The following PTPRN2 variants were observed in gnomAD, a reference collection of about 807,000 sequenced individuals.
PTPRN2 encodes the protein receptor-type tyrosine-protein phosphatase N2.
PTPRN2 carries 74 observed loss-of-function variants against 118.8 expected under a neutral mutation model. That is an observed-to-expected ratio of 0.62 (90% CI 0.52 to 0.76). The LOEUF (loss-of-function observed/expected upper bound fraction) is 0.76, where lower values mean the gene tolerates loss of function less well. Among genes scored for constraint, PTPRN2 ranks in the 30% least tolerant of loss-of-function variants. PTPRN2 has a pLI of 0.00. For synonymous variants in PTPRN2, 641 were observed against 608.0 expected, an observed-to-expected ratio of 1.05 and a Z score of -0.80; for missense variants, 1,481 against 1,394.4, an observed-to-expected ratio of 1.06 and a Z score of -0.99.
chr7:157,839,055 C>T (rs1257226104), intron 12 of PTPRN2, among the ~76,000 whole-genome samples: 2 of 152,118 alleles, frequency 1.3e-5, no homozygotes, highest in Non-Finnish European at 2.9e-5. Flanking sequence ...TCCTCTCCGC[C>T]GTGGCTACTC....
intron 8 of PTPRN2, 78 bp from the exon 9 acceptor site, chr7:158,134,137 G>T: frequency 6.7e-7 from 1 of 1,492,276 alleles, no homozygotes; most frequent in Non-Finnish European, 9.1e-7. Flanking sequence ...GGCTGCCCGG[G>T]ACAGAGTCAC....
At chr7:158,220,901 A>G (rs937915732) in intron 3 of PTPRN2, among the ~76,000 whole-genome samples, 2 of 152,016 alleles carry the variant, frequency 1.3e-5, no homozygotes, top group African/African-American at 4.8e-5. Flanking sequence ...AAAAGGCTGA[A>G]TAGCCAAAGC....
intron 3 of PTPRN2, 59 bp from the exon 4 acceptor site, chr7:158,205,332 G>T: frequency 2.3e-6 from 3 of 1,282,100 alleles, no homozygotes; most frequent in Admixed American, 1.8e-5. Flanking sequence ...CAAAGCTCTT[G>T]CTTCAGTCTC....
In PTPRN2 at chr7:158,587,719, C is replaced by CGGGAGGCGGCCGAGTCCGGGCCCA. The variant is rs1829067275; in HGVS notation, c.-74_-51dup. ...CAGTCCATGGCCGCGCGGGAGGCGGCGGGAGGCGGCCGAGTCCGGGCCCAG... is the reference window on the plus strand; with the variant it reads ...CAGTCCATGGCCGCGCGGGAGGCGGCGGGAGGCGGCCGAGTCCGGGCCCAGGGAGGCGGCCGAGTCCGGGCCCAG... On this transcript the variant is annotated 5_prime_UTR_variant, in exon 1 of 23. Transcript: ENST00000389418. 2 of 1,147,668 alleles carry CGGGAGGCGGCCGAGTCCGGGCCCA rather than the reference C, an allele frequency of 1.7e-6. No individual in the cohort carries two copies. The highest frequency in any genetic ancestry group is 3.3e-5 in the African/African-American group (2 of 61,038). 71.1% of individuals were successfully genotyped at this position (1,147,668 alleles called of 1,614,324 possible).
intron 11 of PTPRN2, among the ~76,000 whole-genome samples, chr7:157,938,608 G>A (rs185903123): frequency 9.9e-5 from 15 of 152,270 alleles, no homozygotes; most frequent in Admixed American, 5.9e-4. Flanking sequence ...TTGCACTGAA[G>A]ACCTCAATTT....
rs1382335228 is a variant in PTPRN2, at chr7:158,098,949, ACTT to A, written c.1643+11877_1643+11879del. 6.8e-4 allele frequency among the ~76,000 whole-genome samples: 103 copies of A among 150,824 alleles called. 1 individual carries two copies. The highest frequency in any genetic ancestry group is 1.3e-3 in the South Asian group (6 of 4,768). ...CCGGGCTTCTCAGCCTTGAAGACCC[ACTT>A]CTTCTCTGGCCTCATTCCTGGGTTC... On this transcript the variant is annotated intron_variant, in intron 10 of 22. Coordinates refer to ENST00000389418, the MANE Select transcript of PTPRN2 (RefSeq NM_002847.5).
chr7:158,035,153 T>C (rs776947861), intron 11 of PTPRN2, among the ~76,000 whole-genome samples: 1 of 152,230 alleles, frequency 6.6e-6, no homozygotes, highest in Non-Finnish European at 1.5e-5. Context: ...ATCGTCACGA[T>C]AGTGTGTTTA....
At chr7:158,046,176 A>T (rs2128893099) in intron 11 of PTPRN2, among the ~76,000 whole-genome samples, 1 of 145,006 alleles carries the variant, frequency 6.9e-6, no homozygotes, top group African/African-American at 2.6e-5. Flanking sequence ...TCTGTCCAGG[A>T]GCAGAACCTA....
intron 11 of PTPRN2, among the ~76,000 whole-genome samples, chr7:157,956,247 G>A (rs545237907): frequency 4.6e-4 from 70 of 152,274 alleles, no homozygotes; most frequent in East Asian, 3.9e-3. Context: ...GCTCCCTGAC[G>A]TGTTGGAGAC....
At chr7:158,402,353 G>A (rs1267704126) in intron 2 of PTPRN2, among the ~76,000 whole-genome samples, 4 of 152,040 alleles carry the variant, frequency 2.6e-5, no homozygotes, top group African/African-American at 4.8e-5. Context: ...ATTCCAGCTC[G>A]CAAATGAGCA....
intron 12 of PTPRN2, among the ~76,000 whole-genome samples, chr7:157,867,585 G>A (rs1253879752): frequency 6.6e-6 from 1 of 150,536 alleles, no homozygotes; most frequent in Non-Finnish European, 1.5e-5. Context: ...TGGATACACG[G>A]CCACCACCCT....
intron 5 of PTPRN2, among the ~76,000 whole-genome samples, chr7:158,174,714 A>G (rs1252597742): frequency 6.6e-6 from 1 of 152,230 alleles, no homozygotes; most frequent in Non-Finnish European, 1.5e-5. Flanking sequence ...AAAGAATGCT[A>G]TTAGAAAGGG....
intron 12 of PTPRN2, among the ~76,000 whole-genome samples, chr7:157,841,473 C>A (rs1003622532): frequency 6.6e-6 from 1 of 152,216 alleles, no homozygotes; most frequent in African/African-American, 2.4e-5. Flanking sequence ...CCCACCCCAC[C>A]CGCAGGTGAT....
intron 2 of PTPRN2, among the ~76,000 whole-genome samples, chr7:158,445,923 C>T (rs953078391): frequency 3.9e-5 from 6 of 152,320 alleles, no homozygotes; most frequent in East Asian, 3.9e-4. Context: ...TAAACCCCGG[C>T]GCCCAGGTGA....
In PTPRN2 at chr7:158,440,816, TA is replaced by T. The variant is rs1165183005; in HGVS notation, c.163+48918del. ...GGGGTGGTAGTGGTGATGGTGGTAG[TA>T]GTAGTGGTGGTGGTGGTGATGGCAG... is the stretch of plus-strand genomic sequence containing the variant. On this transcript the variant is annotated intron_variant, in intron 2 of 22. Coordinates refer to ENST00000389418, the MANE Select transcript of PTPRN2 (RefSeq NM_002847.5). 8.8e-3 allele frequency among the ~76,000 whole-genome samples: 472 copies of T among 53,764 alleles called. 9 individuals carry two copies. The highest frequency in any genetic ancestry group is 9.6e-3 in the Middle Eastern group (1 of 104). 35.3% of individuals were successfully genotyped at this position (53,764 alleles called of 152,430 possible). A position where few individuals can be genotyped will look rare whatever the true frequency, so the allele number is the denominator to read the frequency against.
intron 11 of PTPRN2, among the ~76,000 whole-genome samples, chr7:158,046,450 GATCCTGGCATCCTGACACTGCA>G (rs1251912282): frequency 3.0e-4 from 45 of 151,758 alleles, no homozygotes; most frequent in African/African-American, 9.2e-4. Flanking sequence ...CTGACGCTGC[GATCCTGGCATCCTGACACTGCA>G]ATCCTGGCAT....
In PTPRN2 at chr7:158,171,306, C is replaced by CAT. The variant is rs1554571662; in HGVS notation, c.550-4016_550-4015insAT. 2.0e-3 allele frequency among the ~76,000 whole-genome samples: 68 copies of CAT among 33,420 alleles called. 3 individuals carry two copies. Among genetic ancestry groups the CAT allele is most frequent in the South Asian group, 7.8e-3 (7 of 902 alleles). 21.9% of individuals were successfully genotyped at this position (33,420 alleles called of 152,430 possible). On this transcript the variant is annotated intron_variant, in intron 5 of 22. Transcript: ENST00000389418. ...ATATATATACACACATATATATACA[C>CAT]ACATATATATATATATATATATATA...
At chr7:158,102,233 C>T (rs1016051789) in intron 10 of PTPRN2, among the ~76,000 whole-genome samples, 4 of 152,226 alleles carry the variant, frequency 2.6e-5, no homozygotes, top group Non-Finnish European at 5.9e-5. Context: ...GCCTGAGCCA[C>T]GGCCTTCCAC....
intron 12 of PTPRN2, among the ~76,000 whole-genome samples, chr7:157,819,751 C>T (rs962949211): frequency 3.3e-5 from 5 of 152,106 alleles, no homozygotes; most frequent in African/African-American, 1.2e-4. Flanking sequence ...CCCCATCACC[C>T]GCCCACCCAC....
Sources: allele counts gnomAD v4.1 joint callset (sites outside exome capture counted in the v4.1 genomes callset), GRCh38; gene constraint gnomAD v4.1.1; transcripts MANE v1.5; gene names NCBI Gene and HGNC (gene_info 2026-07-23, HGNC 2026-07-21).